NUP210: variants seen among roughly 807,000 people sequenced by gnomAD.
The protein encoded by NUP210 is nuclear pore membrane glycoprotein 210.
NUP210 carries 151 observed loss-of-function variants against 196.0 expected under a neutral mutation model. The observed-to-expected ratio is 0.77, with a 90% CI of 0.67 to 0.88. The LOEUF is 0.88. Ranked by LOEUF, NUP210 falls within the 40% of genes least tolerant of loss-of-function variation. NUP210 has a pLI of 0.00. For missense variants in NUP210, 2,314 were observed against 2,493.7 expected, an observed-to-expected ratio of 0.93 and a Z score of 1.53; for synonymous variants, 1,070 against 1,052.7, an observed-to-expected ratio of 1.02 and a Z score of -0.32.
At chr3:13,343,759 G>A (rs1264142826) in intron 20 of NUP210, among the ~76,000 whole-genome samples, 3 of 152,172 alleles carry the variant, frequency 2.0e-5, no homozygotes, top group Admixed American at 2.0e-4. Context: ...AGCACCCCAT[G>A]GGGTCTTCTG....
At chr3:13,414,063 T>G (rs1237644942) in intron 1 of NUP210, among the ~76,000 whole-genome samples, 2 of 152,222 alleles carry the variant, frequency 1.3e-5, no homozygotes, top group Admixed American at 6.5e-5. Context: ...CTCCCCACTC[T>G]TCACAACACA....
intron 3 of NUP210, among the ~76,000 whole-genome samples, chr3:13,395,120 G>A (rs73132578): frequency 0.034 from 5,190 of 152,230 alleles, 123 homozygotes; most frequent in Middle Eastern, 0.075. Context: ...GGGGGAGTGT[G>A]AGAGGAAACC....
At chr3:13,391,929 C>T (rs1321452130) in intron 3 of NUP210, among the ~76,000 whole-genome samples, 1 of 152,028 alleles carries the variant, frequency 6.6e-6, no homozygotes. Flanking sequence ...AATCAAGAAA[C>T]AGATGCCACA....
At chr3:13,325,696 C>T (rs1038539688) in intron 33 of NUP210, 99 bp downstream of exon 33, 18 of 1,450,758 alleles carry the variant, frequency 1.2e-5, no homozygotes, top group South Asian at 3.8e-5. Flanking sequence ...CCTCAGACGG[C>T]TTTTCCCTAA....
chr3:13,366,514 TTC>T (rs1410693191), intron 13 of NUP210, among the ~76,000 whole-genome samples: 1 of 127,844 alleles, frequency 7.8e-6, no homozygotes, highest in East Asian at 2.2e-4. Flanking sequence ...TCTGATTTCT[TTC>T]TTTTTTTTTT....
In NUP210 at chr3:13,379,738, A is replaced by C. The variant is rs761098258; in HGVS notation, c.818-17T>G. On this transcript the variant is annotated splice_polypyrimidine_tract_variant and intron_variant, in intron 6 of 39. Transcript: ENST00000254508. The surrounding 1 kb of genome is among the most constrained non-coding windows in gnomAD (Gnocchi z 4.2). ...TGGAGAGTTCTGGCCACCAAGAAAC[A>C]AAAAATAACAGGGAAAGAGAGAGCA... 1 of 1,551,320 alleles carries C rather than the reference A, an allele frequency of 6.4e-7. No homozygotes were observed. Among genetic ancestry groups the C allele is most frequent in the South Asian group, 1.2e-5 (1 of 83,518 alleles).
At chr3:13,388,550 G>C (rs1699361426) in intron 4 of NUP210, 97 bp from the exon 5 acceptor site, 2 of 1,294,094 alleles carry the variant, frequency 1.5e-6, no homozygotes, top group African/African-American at 1.5e-5. Context: ...CCTCCCACTG[G>C]GGCTGATGCT....
chr3:13,388,855 C>T (rs1699374482), intron 4 of NUP210, among the ~76,000 whole-genome samples: 1 of 152,234 alleles, frequency 6.6e-6, no homozygotes. Flanking sequence ...ACCCTCACCT[C>T]CCCGAGGCTG....
At chr3:13,406,289 G>T (rs1255415540) in intron 1 of NUP210, among the ~76,000 whole-genome samples, 1 of 152,068 alleles carries the variant, frequency 6.6e-6, no homozygotes, top group Admixed American at 6.5e-5. Context: ...ACAGGGGCAG[G>T]GTAATGTCCT....
chr3:13,325,928 A>G lies in NUP210; in HGVS notation c.4511T>C (p.Leu1504Pro). 6.2e-7 allele frequency: 1 copy of G among 1,613,884 alleles called. No individual in the cohort carries two copies. The highest frequency in any genetic ancestry group is 8.5e-7 in the Non-Finnish European group (1 of 1,179,986). Residue 1504 changes from leucine (L) to proline (P), a missense_variant, in exon 33 of 40, where the codon CTC becomes CCC. Physicochemically the swap from Leu to Pro is moderately conservative, Grantham distance 98. Transcript: ENST00000254508. Reference sequence around the variant, plus strand: ...GGCCGAGGAGCTCCAGGTTCCTGAGAGGCCTGGAGAGGAAGCACAGGTGTC... The same window carrying G: ...GGCCGAGGAGCTCCAGGTTCCTGAGGGGCCTGGAGAGGAAGCACAGGTGTC... Reference protein sequence around the residue: ...LATVLTSLEGLSGTWSSSANS... With the variant: ...LATVLTSLEGPSGTWSSSANS...
At chr3:13,364,818 A>C (rs1276541726) in intron 14 of NUP210, among the ~76,000 whole-genome samples, 1 of 152,216 alleles carries the variant, frequency 6.6e-6, no homozygotes, top group East Asian at 1.9e-4. Flanking sequence ...ACAAGAGTGA[A>C]ACTCTGTCTC....
chr3:13,319,702 C>T, intron 37 of NUP210, 61 bp downstream of exon 37: 1 of 1,432,844 alleles, frequency 7.0e-7, no homozygotes, highest in Non-Finnish European at 9.8e-7. Context: ...ATAGCCAGGA[C>T]CACTCCTGCC....
At chr3:13,358,195 C>T (rs1167613535) in intron 16 of NUP210, 27 bp downstream of exon 16, 43 of 1,572,814 alleles carry the variant, frequency 2.7e-5, no homozygotes, top group Non-Finnish European at 3.0e-5. Flanking sequence ...GCACCCTCAC[C>T]TCCTCCCGAG....
chr3:13,390,033 C>T (rs144669251), intron 4 of NUP210, among the ~76,000 whole-genome samples: 23 of 152,228 alleles, frequency 1.5e-4, no homozygotes, highest in Middle Eastern at 3.4e-3. Flanking sequence ...AGGACACATG[C>T]GGCAGGTGAC....
intron 34 of NUP210, 46 bp from the exon 35 acceptor site, chr3:13,322,385 A>G (rs1169814873): frequency 6.2e-7 from 1 of 1,603,376 alleles, no homozygotes; most frequent in East Asian, 2.2e-5. Flanking sequence ...CCCGATGGCC[A>G]CCACACCAAA....
rs772184321 is a variant in NUP210, at chr3:13,317,737, C to G, written c.5608G>C (p.Ala1870Pro). The part of the protein sequence containing the change: ...SPTSPNALPP[A>P]RKASPPSGLW... ...CCTGAGGGAGGGCTGGCTTTGCGAG[C>G]AGGAGGCAATGCATTGGGAGATGTG... is the stretch of plus-strand genomic sequence containing the variant. The change falls in exon 40 of 40, where the codon GCT (alanine) becomes CCT (proline). Residue 1870 changes from alanine to proline, a missense_variant. Ala to Pro is a conservative substitution (Grantham distance 27). Transcript: ENST00000254508. The G allele has an allele frequency of 6.2e-7, 1 of 1,611,988 alleles. No homozygotes were observed. Among genetic ancestry groups the G allele is most frequent in the Non-Finnish European group, 8.5e-7 (1 of 1,179,278 alleles).
At chr3:13,419,045 TTACA>T (rs1321546521) in intron 1 of NUP210, among the ~76,000 whole-genome samples, 1 of 150,716 alleles carries the variant, frequency 6.6e-6, no homozygotes, top group Non-Finnish European at 1.5e-5. Context: ...GGCATCACAC[TTACA>T]TACACGCACA....
In NUP210 at chr3:13,332,307, C is replaced by T. The variant is rs1431197365; in HGVS notation, c.3921G>A (p.Lys1307=). 7 of 1,613,574 alleles carry T rather than the reference C, an allele frequency of 4.3e-6. No homozygotes were observed. Among genetic ancestry groups the T allele is most frequent in the African/African-American group, 1.3e-5 (1 of 74,914 alleles). Residue 1307 remains lysine, a synonymous_variant, in exon 29 of 40, where the codon AAG becomes AAA. Transcript: ENST00000254508. Reference sequence around the variant, plus strand: ...GAGTCACGTACCTGTTTGTCTGCAGCTTTATATATGAGTTGGGCGACATTA... The same window carrying T: ...GAGTCACGTACCTGTTTGTCTGCAGTTTTATATATGAGTTGGGCGACATTA... ...QILMSPNSYI[K]LQTNRDGAAS... is the part of the protein sequence containing the mutation.
intron 14 of NUP210, among the ~76,000 whole-genome samples, chr3:13,360,758 C>A (rs1248313478): frequency 6.6e-6 from 1 of 152,212 alleles, no homozygotes; most frequent in Admixed American, 6.5e-5. Flanking sequence ...GTCAAACAAT[C>A]TGGTAAAAGC....
Sources: gnomAD v4.1 joint callset for allele counts (sites outside exome capture counted in the v4.1 genomes callset) on GRCh38, gnomAD v4.1.1 for gene constraint, Gnocchi (gnomAD v3.1) non-coding constraint, MANE v1.5 for transcripts, NCBI Gene and HGNC (gene_info 2026-07-23, HGNC 2026-07-21) for gene names.